The following SLC25A21 variants were observed in gnomAD, a reference collection of about 807,000 sequenced individuals.
The protein encoded by SLC25A21 is mitochondrial 2-oxodicarboxylate carrier.
SLC25A21 carries 47 observed loss-of-function variants against 43.8 expected under a neutral mutation model. The ratio of observed to expected loss-of-function variants is 1.07; its 90% confidence interval spans 0.85 to 1.37. The LOEUF (loss-of-function observed/expected upper bound fraction) is 1.37. Among genes scored for constraint, SLC25A21 ranks in the 40% most tolerant of loss-of-function variants. SLC25A21 has a pLI of 0.00. For synonymous variants in SLC25A21, 131 were observed against 121.3 expected (o/e 1.08, Z -0.52); for missense variants, 352 against 350.2 (o/e 1.00, Z -0.04).
At chr14:36,998,216 C>T (rs576343564) in intron 1 of SLC25A21, among the ~76,000 whole-genome samples, 4 of 152,232 alleles carry the variant, frequency 2.6e-5, no homozygotes, top group South Asian at 2.1e-4. Context: ...GCCTTAAAAA[C>T]GATCATTTCA....
At chr14:36,723,427 AT>A (rs1434234755) in intron 6 of SLC25A21, among the ~76,000 whole-genome samples, 2 of 152,232 alleles carry the variant, frequency 1.3e-5, no homozygotes, top group African/African-American at 4.8e-5. Flanking sequence ...CTTTTAAAAT[AT>A]TTTATAATGC....
chr14:36,796,665 C>T (rs1347021683), intron 3 of SLC25A21, among the ~76,000 whole-genome samples: 2 of 151,986 alleles, frequency 1.3e-5, no homozygotes, highest in Non-Finnish European at 2.9e-5. Context: ...CTCTCAGTGG[C>T]GGCAAGATTC....
chr14:37,115,943 A>G (rs1028099633), intron 1 of SLC25A21, among the ~76,000 whole-genome samples: 1 of 152,206 alleles, frequency 6.6e-6, no homozygotes, highest in Non-Finnish European at 1.5e-5. Context: ...AACTACATTA[A>G]GAATGAAAAT....
At chr14:36,889,023 T>C (rs966773061) in intron 1 of SLC25A21, among the ~76,000 whole-genome samples, 23 of 152,210 alleles carry the variant, frequency 1.5e-4, no homozygotes, top group African/African-American at 5.5e-4. Flanking sequence ...AATTTTATAT[T>C]TGCTGATGAC....
At chr14:36,895,751 A>G (rs992350088) in intron 1 of SLC25A21, among the ~76,000 whole-genome samples, 9 of 152,042 alleles carry the variant, frequency 5.9e-5, no homozygotes, top group African/African-American at 1.7e-4. Context: ...CTTTGTTCTC[A>G]TTGGTTTCAA....
At chr14:36,730,879 C>G (rs879708866) in intron 4 of SLC25A21, among the ~76,000 whole-genome samples, 3 of 152,096 alleles carry the variant, frequency 2.0e-5, no homozygotes, top group Admixed American at 2.0e-4. Context: ...TAAAATAGTA[C>G]TCAACGGCAA....
At chr14:36,858,900 C>T (rs1192354499) in intron 2 of SLC25A21, among the ~76,000 whole-genome samples, 4 of 152,000 alleles carry the variant, frequency 2.6e-5, no homozygotes, top group African/African-American at 7.3e-5. Flanking sequence ...CATGAGTTTC[C>T]GTTTTAGTAC....
chr14:36,808,701 G>A (rs752385309), intron 3 of SLC25A21, among the ~76,000 whole-genome samples: 2 of 152,142 alleles, frequency 1.3e-5, no homozygotes, highest in Non-Finnish European at 2.9e-5. Context: ...ACATGGGCAT[G>A]AGGATTCTAT....
intron 2 of SLC25A21, among the ~76,000 whole-genome samples, chr14:36,814,543 T>C (rs1378366243): frequency 1.3e-5 from 2 of 152,166 alleles, no homozygotes; most frequent in Non-Finnish European, 2.9e-5. Context: ...AAGAAGACAT[T>C]TAAGCGGCCA....
chr14:37,030,124 G>A (rs555955585), intron 1 of SLC25A21, among the ~76,000 whole-genome samples: 7 of 152,094 alleles, frequency 4.6e-5, no homozygotes, highest in African/African-American at 1.7e-4. Flanking sequence ...CTAACACTTT[G>A]TATATGTATT....
At chr14:36,746,517 C>T (rs568595431) in intron 3 of SLC25A21, among the ~76,000 whole-genome samples, 3 of 152,120 alleles carry the variant, frequency 2.0e-5, no homozygotes, top group South Asian at 2.1e-4. Flanking sequence ...TTTATTTGGG[C>T]GATGGGTACT....
At chr14:36,961,907 G>T (rs1156171) in intron 1 of SLC25A21, among the ~76,000 whole-genome samples, 150,156 of 152,202 alleles carry the variant, frequency 0.99, 74,080 homozygotes, top group Middle Eastern at 1. Flanking sequence ...CTGTATGTCT[G>T]AAAACATAAT....
At chr14:36,816,955 ACTCT>A (rs1888478186) in intron 2 of SLC25A21, among the ~76,000 whole-genome samples, 1 of 151,400 alleles carries the variant, frequency 6.6e-6, no homozygotes, top group Non-Finnish European at 1.5e-5. Context: ...AAAAACCAAG[ACTCT>A]TCTCTAACTG....
At chr14:36,691,994 A>T (rs1048218341) in intron 7 of SLC25A21, among the ~76,000 whole-genome samples, 1 of 152,246 alleles carries the variant, frequency 6.6e-6, no homozygotes. Flanking sequence ...AAACATTTTA[A>T]GGCTGAAATT....
At chr14:36,875,202 C>T (rs577743742) in intron 1 of SLC25A21, among the ~76,000 whole-genome samples, 198 bp from the exon 2 acceptor site, 23 of 152,180 alleles carry the variant, frequency 1.5e-4, no homozygotes, top group African/African-American at 5.1e-4. Context: ...GATATGTGAG[C>T]GAGTACTTTC....
chr14:36,826,596 G>A (rs1384199617), intron 2 of SLC25A21, among the ~76,000 whole-genome samples: 1 of 152,212 alleles, frequency 6.6e-6, no homozygotes, highest in African/African-American at 2.4e-5. Context: ...CTTCGTGAGG[G>A]CCTGAGGGGC....
chr14:37,169,613 G>A (rs911853288), intron 1 of SLC25A21, among the ~76,000 whole-genome samples: 1 of 64,436 alleles, frequency 1.6e-5, no homozygotes, highest in East Asian at 5.5e-4. Flanking sequence ...ACACAGAAGT[G>A]TTGTATTCAT....
intron 9 of SLC25A21, among the ~76,000 whole-genome samples, chr14:36,682,683 A>T (rs1882331671): frequency 6.6e-6 from 1 of 152,162 alleles, no homozygotes; most frequent in South Asian, 2.1e-4. Context: ...ACTGGCAGAG[A>T]TGCACAAAAT....
intron 1 of SLC25A21, among the ~76,000 whole-genome samples, chr14:37,091,294 T>C (rs150202598): frequency 5.3e-5 from 8 of 151,876 alleles, no homozygotes; most frequent in African/African-American, 1.9e-4. Flanking sequence ...ATTAGCTGGG[T>C]GTGGTAGCAC....
Sources: gnomAD v4.1 joint callset for allele counts (sites outside exome capture counted in the v4.1 genomes callset) on GRCh38, gnomAD v4.1.1 for gene constraint, MANE v1.5 for transcripts, NCBI Gene and HGNC (gene_info 2026-07-23, HGNC 2026-07-21) for gene names.